The following BANK1 variants were observed in gnomAD, a reference collection of about 807,000 sequenced individuals.
The protein encoded by BANK1 is B-cell scaffold protein with ankyrin repeats.
In BANK1, 95 loss-of-function variants were observed where a neutral mutation model predicts 94.5. The observed-to-expected ratio is 1.00, with a 90% confidence interval of 0.85 to 1.19. BANK1 has a LOEUF of 1.19. Among genes scored for constraint, BANK1 ranks in the 50% most tolerant of loss-of-function variants. The probability of loss-of-function intolerance (pLI) is 0.00; values close to 1 mark genes in which losing one functional copy is unlikely to be tolerated. For missense variants in BANK1, 987 were observed against 932.2 expected (o/e 1.06, Z -0.77); for synonymous variants, 334 against 308.4 (o/e 1.08, Z -0.87).
intron 7 of BANK1, among the ~76,000 whole-genome samples, chr4:102,010,356 G>A (rs2148941626): frequency 6.6e-6 from 1 of 150,984 alleles, no homozygotes; most frequent in South Asian, 2.1e-4. Flanking sequence ...AGCTTTGCCT[G>A]AACAGAGTTG....
At chr4:101,960,422 G>T (rs1405250837) in intron 7 of BANK1, among the ~76,000 whole-genome samples, 1 of 152,078 alleles carries the variant, frequency 6.6e-6, no homozygotes, top group Non-Finnish European at 1.5e-5. Context: ...GGTTAAGAAT[G>T]CTAGAAGTCA....
In BANK1 at chr4:101,816,049, A is replaced by G. The variant is rs1048861522; in HGVS notation, c.71-13759A>G. On this transcript the variant is annotated intron_variant, in intron 1 of 16. Transcript: ENST00000322953. ...GTGGAAAGTGCTTTGCCAGAGGACA[A>G]GGAATTTCCAAGATGAGTTTTCTTA... is the stretch of plus-strand genomic sequence containing the variant. Among the ~76,000 whole-genome samples, 10 of 152,344 alleles carry G rather than the reference A, an allele frequency of 6.6e-5. 1 individual carries two copies. In the South Asian group the frequency reaches 1.7e-3, roughly 25 times the overall value.
intron 7 of BANK1, among the ~76,000 whole-genome samples, chr4:101,995,544 T>G (rs927595220): frequency 1.3e-5 from 2 of 152,204 alleles, no homozygotes; most frequent in African/African-American, 4.8e-5. Flanking sequence ...ATGGTTGAAC[T>G]AGTTTACAGT....
At chr4:102,027,050 T>C (rs1727129822) in intron 9 of BANK1, among the ~76,000 whole-genome samples, 1 of 152,166 alleles carries the variant, frequency 6.6e-6, no homozygotes, top group Non-Finnish European at 1.5e-5. Context: ...ACCCTCAACA[T>C]TTATCCATGA....
chr4:101,950,178 G>T (rs938163376), intron 7 of BANK1, among the ~76,000 whole-genome samples: 1 of 152,096 alleles, frequency 6.6e-6, no homozygotes, highest in Non-Finnish European at 1.5e-5. Flanking sequence ...TTAGCTGAAG[G>T]ATATGACTGG....
At chr4:102,064,222 T>G (rs1356819039) in intron 13 of BANK1, among the ~76,000 whole-genome samples, 1 of 152,194 alleles carries the variant, frequency 6.6e-6, no homozygotes, top group African/African-American at 2.4e-5. Context: ...CTCTTCATAT[T>G]ATACAGTTAT....
At chr4:101,841,284 A>G (rs1248492362) in intron 2 of BANK1, among the ~76,000 whole-genome samples, 2 of 152,196 alleles carry the variant, frequency 1.3e-5, no homozygotes, top group Non-Finnish European at 2.9e-5. Flanking sequence ...CACTGTTAAC[A>G]TTTTGGCATA....
chr4:101,967,778 G>C (rs1388980914), intron 7 of BANK1, among the ~76,000 whole-genome samples: 1 of 151,954 alleles, frequency 6.6e-6, no homozygotes, highest in Admixed American at 6.6e-5. Flanking sequence ...GAAGTAGCAA[G>C]TATAAAAGGT....
intron 7 of BANK1, among the ~76,000 whole-genome samples, chr4:101,964,625 G>T (rs1276851720): frequency 3.3e-5 from 5 of 152,004 alleles, no homozygotes; most frequent in Non-Finnish European, 5.9e-5. Flanking sequence ...ATAACAGGGT[G>T]TCATTTTTCA....
intron 14 of BANK1, among the ~76,000 whole-genome samples, 181 bp from the exon 15 acceptor site, chr4:102,072,164 C>A (rs572514902): frequency 1.3e-5 from 2 of 152,322 alleles, no homozygotes; most frequent in African/African-American, 4.8e-5. Context: ...TCCACATGGG[C>A]AGGAGAAATT....
intron 10 of BANK1, among the ~76,000 whole-genome samples, chr4:102,031,009 C>T (rs1349694906): frequency 3.9e-5 from 6 of 152,124 alleles, no homozygotes; most frequent in African/African-American, 7.2e-5. Flanking sequence ...CTTGAGGAAT[C>T]GCCACACTGT....
intron 5 of BANK1, among the ~76,000 whole-genome samples, chr4:101,878,458 C>A (rs541235979): frequency 6.6e-6 from 1 of 152,116 alleles, no homozygotes; most frequent in South Asian, 2.1e-4. Context: ...GATATAAAAT[C>A]AAATATTACT....
intron 5 of BANK1, among the ~76,000 whole-genome samples, chr4:101,889,497 CTGAGGCAGGAGAATGGCG>C (rs1452913073): frequency 6.7e-6 from 1 of 149,660 alleles, no homozygotes; most frequent in Non-Finnish European, 1.5e-5. Context: ...ACTCGGGAGG[CTGAGGCAGGAGAATGGCG>C]TGAACCCGGG....
At chr4:101,938,731 T>C (rs901219712) in intron 7 of BANK1, among the ~76,000 whole-genome samples, 3 of 151,720 alleles carry the variant, frequency 2.0e-5, no homozygotes, top group Non-Finnish European at 3.0e-5. Context: ...TAATGACTAA[T>C]GGCAATGCAT....
At chr4:102,028,902 ATTTGTTTTTTTTTTG>A (rs1204529193) in intron 9 of BANK1, among the ~76,000 whole-genome samples, 3 of 150,272 alleles carry the variant, frequency 2.0e-5, no homozygotes, top group Admixed American at 6.6e-5. Flanking sequence ...TCTGTTTTTT[ATTTGTTTTTTTTTTG>A]TTTGTTTTTA....
At chr4:102,058,438 TACTA>T (rs1350791129) in intron 11 of BANK1, among the ~76,000 whole-genome samples, 4 of 152,104 alleles carry the variant, frequency 2.6e-5, no homozygotes. Context: ...ATTAAATTCA[TACTA>T]ACTCTTCTGA....
At chr4:101,866,315 GA>G (rs1728065637) in intron 4 of BANK1, among the ~76,000 whole-genome samples, 1 of 152,048 alleles carries the variant, frequency 6.6e-6, no homozygotes, top group African/African-American at 2.4e-5. Context: ...ATGGTAAAGA[GA>G]AAAAAGTTTT....
intron 7 of BANK1, among the ~76,000 whole-genome samples, chr4:101,927,640 A>G (rs1250268033): frequency 5.3e-5 from 8 of 151,624 alleles, no homozygotes; most frequent in Admixed American, 1.3e-4. Flanking sequence ...TAGGCAATGG[A>G]ATTTACTGAC....
chr4:101,977,719 A>C (rs1725183956), intron 7 of BANK1, among the ~76,000 whole-genome samples: 1 of 152,146 alleles, frequency 6.6e-6, no homozygotes, highest in Non-Finnish European at 1.5e-5. Context: ...ATCCATGGTC[A>C]TTCCAGCCAA....
Sources: allele counts gnomAD v4.1 joint callset (sites outside exome capture counted in the v4.1 genomes callset), GRCh38; gene constraint gnomAD v4.1.1; transcripts MANE v1.5; gene names NCBI Gene and HGNC (gene_info 2026-07-23, HGNC 2026-07-21).